The following ADNP2 variants were observed in gnomAD, a reference collection of about 807,000 sequenced individuals.
The protein encoded by ADNP2 is activity-dependent neuroprotector homeobox protein 2.
ADNP2 carries 8 observed loss-of-function variants against 16.4 expected under a neutral mutation model. The observed-to-expected ratio is 0.49, with a 90% CI of 0.29 to 0.88. The LOEUF is 0.88. ADNP2 is among the 40% of genes least tolerant of loss of function. The pLI, the probability that ADNP2 is intolerant of heterozygous loss-of-function variation, is 0.09. For synonymous variants in ADNP2, 637 were observed against 545.8 expected, an observed-to-expected ratio of 1.17 and a Z score of -2.33; for missense variants, 1,397 against 1,395.1, an observed-to-expected ratio of 1.00 and a Z score of -0.02.
chr18:80,138,207 G>A lies in ADNP2; in HGVS notation c.2794G>A (p.Ala932Thr), dbSNP rs1326246284. The A allele has an allele frequency of 3.1e-6, 5 of 1,614,006 alleles. No homozygotes were observed. The highest frequency in any genetic ancestry group is 1.1e-5 in the South Asian group (1 of 91,090). The change falls in exon 4 of 4, where the codon GCC becomes ACC. Residue 932 changes from alanine to threonine, a missense_variant. Around this residue, in one of 3 missense-constraint regions of ADNP2, gnomAD observed 611 missense variants for 648.7 expected, o/e 0.94. Coordinates refer to ENST00000262198, the MANE Select transcript of ADNP2 (RefSeq NM_014913.4). ...YTGNMTLAAI[A>T]VHLVRCRSAP... ...GGGAAATATGACCCTGGCTGCCATC[G>A]CCGTCCATTTGGTGCGCTGCAGAAG...
At position 80,137,301 on chromosome 18, in the gene ADNP2, G is replaced by A; in HGVS notation, c.1888G>A (p.Gly630Ser). The A allele has an allele frequency of 6.2e-7, 1 of 1,613,982 alleles. No individual in the cohort carries two copies. The highest frequency in any genetic ancestry group is 8.5e-7 in the Non-Finnish European group (1 of 1,179,938). Residue 630 changes from glycine (G) to serine (S), a missense_variant, in exon 4 of 4, where the codon GGC becomes AGC. By Grantham distance (56) the Gly-to-Ser change is moderately conservative. This residue lies in a region of ADNP2 where 611 missense variants were observed against 648.7 expected (regional missense o/e 0.94). Transcript: ENST00000262198. This position sits in a 1 kb window ranked among gnomAD's most constrained non-coding sequence, Gnocchi z 4.2. ...VSVTLPVPPG[G>S]LATVAPPQMP... ...TGTCACTCTGCCGGTTCCCCCTGGAGGCCTTGCGACTGTCGCTCCGCCCCA... is the reference window on the plus strand; with the variant it reads ...TGTCACTCTGCCGGTTCCCCCTGGAAGCCTTGCGACTGTCGCTCCGCCCCA...
At chr18:80,125,654 A>T (rs1007442004) in intron 2 of ADNP2, among the ~76,000 whole-genome samples, 3 of 150,770 alleles carry the variant, frequency 2.0e-5, no homozygotes, top group African/African-American at 2.4e-5. Flanking sequence ...AAAAAAAAAT[A>T]AAAAAAAATA....
At chr18:80,132,630 T>C (rs1478405268) in intron 2 of ADNP2, among the ~76,000 whole-genome samples, 2 of 151,634 alleles carry the variant, frequency 1.3e-5, no homozygotes, top group African/African-American at 4.8e-5. Context: ...TTTTTTCTCT[T>C]TCTCTCTTTT....
intron 1 of ADNP2, among the ~76,000 whole-genome samples, chr18:80,115,190 T>C (rs911386768): frequency 1.3e-5 from 2 of 152,232 alleles, no homozygotes; most frequent in African/African-American, 2.4e-5. Flanking sequence ...TTACTTGATA[T>C]ATGCCCACAT....
chr18:80,130,348 G>A (rs549784266), intron 2 of ADNP2, among the ~76,000 whole-genome samples: 2 of 152,258 alleles, frequency 1.3e-5, no homozygotes, highest in East Asian at 1.9e-4. Flanking sequence ...TCCATATCAC[G>A]CGATTATGGA....
chr18:80,123,421 G>T (rs1213827423), intron 2 of ADNP2, among the ~76,000 whole-genome samples: 2 of 151,928 alleles, frequency 1.3e-5, no homozygotes, highest in Non-Finnish European at 2.9e-5. Flanking sequence ...GCCCAGGCTG[G>T]AGTGCAGTGG....
chr18:80,110,771 C>T (rs1360493431), intron 1 of ADNP2, among the ~76,000 whole-genome samples: 1 of 152,118 alleles, frequency 6.6e-6, no homozygotes, highest in Non-Finnish European at 1.5e-5. Context: ...TTGAGCCCGT[C>T]GTCCTTAAAC....
At chr18:80,122,817 TGTTC>T (rs2052433284) in intron 2 of ADNP2, among the ~76,000 whole-genome samples, 2 of 152,364 alleles carry the variant, frequency 1.3e-5, no homozygotes, top group African/African-American at 4.8e-5. Flanking sequence ...TTTGCCTCAT[TGTTC>T]TGTTTAGAAC....
chr18:80,115,647 C>A (rs1044183767), intron 1 of ADNP2, among the ~76,000 whole-genome samples: 1 of 152,150 alleles, frequency 6.6e-6, no homozygotes, highest in Non-Finnish European at 1.5e-5. Context: ...ATACAATTCA[C>A]CAGTTTGAAG....
chr18:80,124,086 G>A (rs1370798490), intron 2 of ADNP2, among the ~76,000 whole-genome samples: 1 of 152,110 alleles, frequency 6.6e-6, no homozygotes, highest in Non-Finnish European at 1.5e-5. Context: ...ACTTTTCTCT[G>A]TTAGGAAGTT....
chr18:80,137,658 T>C lies in ADNP2; in HGVS notation c.2245T>C (p.Cys749Arg). The change falls in exon 4 of 4, where the codon TGT becomes CGT. Residue 749 changes from cysteine (C) to arginine (R), a missense_variant. Physicochemically the swap from Cys to Arg is radical, Grantham distance 180. Coordinates refer to ENST00000262198, the MANE Select transcript of ADNP2 (RefSeq NM_014913.4). This position sits in a 1 kb window ranked among gnomAD's most constrained non-coding sequence, Gnocchi z 4.2. ...GTGGATGAGAGAGAAAACGGTGCGA[T>C]GTCTGTCTTGTAAGTGCTTGGTCTC... ...LKWMREKTVR[C>R]LSCKCLVSEE... 6.2e-7 allele frequency: 1 copy of C among 1,614,208 alleles called. No homozygotes were observed. The highest frequency in any genetic ancestry group is 1.1e-5 in the South Asian group (1 of 91,088).
At chr18:80,125,818 A>T (rs569919004) in intron 2 of ADNP2, among the ~76,000 whole-genome samples, 96 of 152,176 alleles carry the variant, frequency 6.3e-4, no homozygotes, top group South Asian at 2.7e-3. Flanking sequence ...CTCAAAAAAA[A>T]TTTTTTTAAT....
chr18:80,111,930 T>C (rs2052360390), intron 1 of ADNP2, among the ~76,000 whole-genome samples: 1 of 152,192 alleles, frequency 6.6e-6, no homozygotes, highest in African/African-American at 2.4e-5. Flanking sequence ...AGAGAAGTCC[T>C]TTATGTACCC....
intron 2 of ADNP2, among the ~76,000 whole-genome samples, chr18:80,123,930 A>G (rs568116397): frequency 6.7e-6 from 1 of 148,208 alleles, no homozygotes; most frequent in Admixed American, 6.7e-5. Flanking sequence ...GGGTTTCACC[A>G]TGTTGGCCAG....
chr18:80,127,651 A>G (rs543316429), intron 2 of ADNP2, among the ~76,000 whole-genome samples: 112 of 152,122 alleles, frequency 7.4e-4, no homozygotes, highest in African/African-American at 2.5e-3. Context: ...CACACTGGAC[A>G]TTGTGTTTAT....
chr18:80,115,169 G>A (rs971907652), intron 1 of ADNP2, among the ~76,000 whole-genome samples: 2 of 152,188 alleles, frequency 1.3e-5, no homozygotes, highest in Admixed American at 6.5e-5. Context: ...CTTTGCCACA[G>A]GTTGTATCTG....
In ADNP2 at chr18:80,138,408, A is replaced by G. The variant is rs1445503869; in HGVS notation, c.2995A>G (p.Ile999Val). The change falls in exon 4 of 4, where the codon ATC becomes GTC. Residue 999 changes from isoleucine to valine, a missense_variant. Coordinates refer to ENST00000262198, the MANE Select transcript of ADNP2 (RefSeq NM_014913.4). ...GCGGCATGGGGAGGAGCAGCCTCCC[A>G]TCCTAAATGCCGATGCAGCCCCGGG... is the stretch of plus-strand genomic sequence containing the variant. ...DQRHGEEQPPILNADAAPGPE... is the reference protein window; with the variant it reads ...DQRHGEEQPPVLNADAAPGPE... The G allele has an allele frequency of 6.2e-7, 1 of 1,614,106 alleles. No individual in the cohort carries two copies. The highest frequency in any genetic ancestry group is 1.1e-5 in the South Asian group (1 of 91,082).
intron 2 of ADNP2, among the ~76,000 whole-genome samples, chr18:80,127,528 T>C (rs1371072084): frequency 6.6e-6 from 1 of 152,194 alleles, no homozygotes. Flanking sequence ...TCACTTTCTT[T>C]CACTTCTCTC....
Position 80,138,760 on chromosome 18 carries a change from C to G in ADNP2, c.3347C>G (p.Ser1116Cys). The change falls in exon 4 of 4, where the codon TCT (serine) becomes TGT (cysteine). Residue 1116 changes from serine (S) to cysteine (C), a missense_variant. Ser to Cys is a moderately radical substitution (Grantham distance 112, BLOSUM62 -1). This residue lies in a region of ADNP2 where 611 missense variants were observed against 648.7 expected (regional missense o/e 0.94). Transcript: ENST00000262198. ...TCTGTACTTTTAGGCTTTGATATGT[C>G]TGAACTTAAAAATGTGAAACATAGA... ...KPSVLLGFDM[S>C]ELKNVKHRLN... The G allele has an allele frequency of 6.3e-7, 1 of 1,578,996 alleles. No homozygotes were observed. Among genetic ancestry groups the G allele is most frequent in the Non-Finnish European group, 8.5e-7 (1 of 1,169,902 alleles).
Sources: allele counts gnomAD v4.1 joint callset (sites outside exome capture counted in the v4.1 genomes callset), GRCh38; gene constraint gnomAD v4.1.1; regional missense constraint gnomAD v4.1.1; non-coding constraint Gnocchi (gnomAD v3.1); transcripts MANE v1.5; gene names NCBI Gene and HGNC (gene_info 2026-07-23, HGNC 2026-07-21).